The following DPP6 variants were observed in gnomAD, a reference collection of about 807,000 sequenced individuals.
The protein encoded by DPP6 is dipeptidyl peptidase like 6, also known as A-type potassium channel modulatory protein DPP6.
A neutral mutation model predicts 122.6 loss-of-function variants in DPP6; 69 were observed. The observed-to-expected ratio is 0.56, with a 90% CI of 0.46 to 0.69. DPP6 has a LOEUF of 0.69. Among genes scored for constraint, DPP6 ranks in the 30% least tolerant of loss-of-function variants. DPP6 has a pLI of 0.00. For synonymous variants in DPP6, 418 were observed against 433.1 expected (o/e 0.97, Z 0.43); for missense variants, 928 against 1,116.9 (o/e 0.83, Z 2.41).
At position 154,694,210 on chromosome 7, in the gene DPP6, C is replaced by T. The variant is rs147398547; in HGVS notation, c.762+24769C>T. Among the ~76,000 whole-genome samples, 765 of 152,256 alleles carry T rather than the reference C, an allele frequency of 5.0e-3. 7 individuals are homozygous for T. Among genetic ancestry groups the T allele is most frequent in the African/African-American group, 0.018 (731 of 41,544 alleles). On this transcript the variant is annotated intron_variant, in intron 7 of 25. Transcript: ENST00000377770. The stretch of plus-strand genomic sequence containing the variant: ...ATTCGTGAGCGTTCTCCCCTCATGA[C>T]GTGATCATTTCCCAAAGACCTCACT...
intron 1 of DPP6, among the ~76,000 whole-genome samples, chr7:154,248,374 C>T (rs986620316): frequency 3.3e-5 from 5 of 151,942 alleles, no homozygotes; most frequent in East Asian, 3.9e-4. Context: ...GCAAAAAGGA[C>T]GTGCTCTGTA....
intron 1 of DPP6, among the ~76,000 whole-genome samples, chr7:154,355,554 A>G (rs1811204992): frequency 6.6e-6 from 1 of 152,188 alleles, no homozygotes; most frequent in Admixed American, 6.6e-5. Flanking sequence ...GGTGTGAGGT[A>G]GGGGTCATGA....
chr7:153,895,061 A>T (rs972817117), intron 1 of DPP6, among the ~76,000 whole-genome samples: 2 of 152,188 alleles, frequency 1.3e-5, no homozygotes, highest in African/African-American at 4.8e-5. Context: ...TAAGTTTTCT[A>T]ACCTCAGTTA....
At chr7:153,973,263 TAAAC>T (rs2129034251) in intron 1 of DPP6, among the ~76,000 whole-genome samples, 1 of 152,308 alleles carries the variant, frequency 6.6e-6, no homozygotes, top group African/African-American at 2.4e-5. Flanking sequence ...CTCTCTGAAA[TAAAC>T]AGACATTAGT....
chr7:154,533,348 AATC>A (rs1215396073), intron 3 of DPP6, among the ~76,000 whole-genome samples: 1 of 152,202 alleles, frequency 6.6e-6, no homozygotes, highest in Non-Finnish European at 1.5e-5. Context: ...GACATGGACA[AATC>A]ATCAAATGAC....
chr7:154,457,739 G>A (rs1189225066), intron 2 of DPP6, among the ~76,000 whole-genome samples: 3 of 13,680 alleles, frequency 2.2e-4, no homozygotes, highest in African/African-American at 4.7e-4. Flanking sequence ...ACCAAACACC[G>A]CATATTCTCA....
chr7:154,817,424 A>G (rs1395046568), intron 16 of DPP6, among the ~76,000 whole-genome samples: 1 of 152,202 alleles, frequency 6.6e-6, no homozygotes, highest in African/African-American at 2.4e-5. Context: ...CATGAACATT[A>G]TGAGTGATTG....
chr7:154,766,526 C>T (rs771296502), intron 8 of DPP6, among the ~76,000 whole-genome samples: 6 of 152,114 alleles, frequency 3.9e-5, no homozygotes, highest in Non-Finnish European at 7.4e-5. Flanking sequence ...AGAATGGTCT[C>T]GAACTCCTGA....
At position 154,675,484 on chromosome 7, in the gene DPP6, C is replaced by T. The variant is rs1445544403; in HGVS notation, c.762+6043C>T. Among the ~76,000 whole-genome samples, 7 of 152,310 alleles carry T rather than the reference C, an allele frequency of 4.6e-5. No homozygotes were observed. The East Asian group carries it at 1.2e-3, about 25-fold the overall frequency. On this transcript the variant is annotated intron_variant, in intron 7 of 25. Transcript: ENST00000377770. ...CCAGCCCTAGGGCTCTCTGGAATGG[C>T]ACATGTGGCCAGCGATTGCCATGGT... is the stretch of plus-strand genomic sequence containing the variant.
intron 1 of DPP6, among the ~76,000 whole-genome samples, chr7:153,897,117 C>T (rs1799447039): frequency 6.6e-6 from 1 of 152,086 alleles, no homozygotes; most frequent in Admixed American, 6.5e-5. Flanking sequence ...TAGAACAACC[C>T]ATTGTGTTGG....
At chr7:153,850,263 A>C in the DPP6 span, among the ~76,000 whole-genome samples, 2 of 152,166 alleles carry the variant, frequency 1.3e-5, no homozygotes, top group Non-Finnish European at 2.9e-5. Context: ...ATCTGCTTCC[A>C]CACTCCTATG....
At chr7:154,623,653 G>A (rs1048545953) in intron 5 of DPP6, among the ~76,000 whole-genome samples, 10 of 134,672 alleles carry the variant, frequency 7.4e-5, no homozygotes, top group Admixed American at 4.9e-4. Context: ...GCGCACACAC[G>A]CGCACACACA....
At chr7:154,500,515 G>A (rs547096363) in intron 3 of DPP6, among the ~76,000 whole-genome samples, 117 of 152,186 alleles carry the variant, frequency 7.7e-4, no homozygotes, top group African/African-American at 1.2e-3. Flanking sequence ...TTATGGGGGC[G>A]GATCTTTCCT....
chr7:154,553,702 G>A (rs1437763388), intron 4 of DPP6, among the ~76,000 whole-genome samples: 1 of 152,118 alleles, frequency 6.6e-6, no homozygotes. Flanking sequence ...ACATAATCCA[G>A]CTGTAGCCTT....
chr7:154,444,296 A>G (rs1819669328), intron 1 of DPP6, among the ~76,000 whole-genome samples: 1 of 150,668 alleles, frequency 6.6e-6, no homozygotes. Flanking sequence ...TCTCTACTAA[A>G]TAGACAAAAA....
intron 1 of DPP6, among the ~76,000 whole-genome samples, chr7:154,003,675 C>T (rs1422258080): frequency 3.3e-5 from 5 of 151,816 alleles, no homozygotes; most frequent in Non-Finnish European, 5.9e-5. Context: ...TGGGGTGTGC[C>T]TCACTGTGTG....
the DPP6 span, among the ~76,000 whole-genome samples, chr7:153,850,078 G>A: frequency 3.3e-3 from 508 of 152,046 alleles, 1 homozygote; most frequent in African/African-American, 0.011. Context: ...ACCTGTTGCC[G>A]TATAATAATA....
the DPP6 span, among the ~76,000 whole-genome samples, chr7:153,756,338 C>T: frequency 6.6e-6 from 1 of 151,246 alleles, no homozygotes. Context: ...ATTTAGTCCT[C>T]TCATTTCAAA....
chr7:154,222,354 A>G (rs1800352758), intron 1 of DPP6, among the ~76,000 whole-genome samples: 1 of 152,120 alleles, frequency 6.6e-6, no homozygotes, highest in African/African-American at 2.4e-5. Context: ...AAATGAGCAG[A>G]TGAAAATAAT....
Sources: allele counts gnomAD v4.1 joint callset (sites outside exome capture counted in the v4.1 genomes callset), GRCh38; gene constraint gnomAD v4.1.1; transcripts MANE v1.5; gene names NCBI Gene and HGNC (gene_info 2026-07-23, HGNC 2026-07-21).